LAPTM4A: variants seen among roughly 807,000 people sequenced by gnomAD.
LAPTM4A encodes the protein lysosomal-associated transmembrane protein 4A.
A neutral mutation model predicts 29.9 loss-of-function variants in LAPTM4A; 19 were observed. The observed-to-expected ratio is 0.64, with a 90% confidence interval of 0.44 to 0.93. The LOEUF (loss-of-function observed/expected upper bound fraction) is 0.93. Among genes scored for constraint, LAPTM4A ranks in the 40% least tolerant of loss-of-function variants. The probability of loss-of-function intolerance (pLI) is 0.00; values close to 1 mark genes in which losing one functional copy is unlikely to be tolerated. For missense variants in LAPTM4A, 293 were observed against 288.5 expected, an observed-to-expected ratio of 1.02 and a Z score of -0.11; for synonymous variants, 105 against 102.1, an observed-to-expected ratio of 1.03 and a Z score of -0.17.
rs763586941 is a variant in LAPTM4A at position 20,051,540 on chromosome 2, T to C, written c.-20A>G. On this transcript the variant is annotated 5_prime_UTR_variant, in exon 1 of 7. Transcript: ENST00000175091. The stretch of plus-strand genomic sequence containing the variant: ...CACCATCGTAACAGGCGGGCCTCCT[T>C]CTTGGCCGGGCCCCTGACAAACGTT... The C allele has an allele frequency of 1.3e-6, 2 of 1,500,374 alleles. No homozygotes were observed. Among genetic ancestry groups the C allele is most frequent in the Non-Finnish European group, 1.8e-6 (2 of 1,094,868 alleles). The allele number at this position is 1,500,374 out of a possible 1,614,324, so 92.9% of individuals were successfully genotyped here.
chr2:20,033,670 G>A (rs1485608613), intron 6 of LAPTM4A, among the ~76,000 whole-genome samples: 1 of 152,190 alleles, frequency 6.6e-6, no homozygotes, highest in Non-Finnish European at 1.5e-5. Flanking sequence ...GCTAGCTCCT[G>A]GATCCTGACT....
chr2:20,039,288 T>C (rs1481324288), intron 2 of LAPTM4A, among the ~76,000 whole-genome samples: 1 of 152,244 alleles, frequency 6.6e-6, no homozygotes, highest in Non-Finnish European at 1.5e-5. Flanking sequence ...TAGTCCTCTT[T>C]ACTTTTTTCT....
intron 1 of LAPTM4A, among the ~76,000 whole-genome samples, chr2:20,051,061 C>A (rs1042829535): frequency 1.3e-5 from 2 of 152,144 alleles, no homozygotes; most frequent in Non-Finnish European, 2.9e-5. Context: ...CCTTTCAGAT[C>A]GTAGAAATAC....
rs1673611940 is a variant in LAPTM4A at position 20,033,291 on chromosome 2, A to G, written c.628-12T>C. Reference sequence around the variant, plus strand: ...GTTGGCAAAACGTACTAAAGAGAGAAAAAAAATTGTATCAGATTTAATTCT... The same window carrying G: ...GTTGGCAAAACGTACTAAAGAGAGAGAAAAAATTGTATCAGATTTAATTCT... On this transcript the variant is annotated splice_polypyrimidine_tract_variant and intron_variant, in intron 6 of 6. Transcript: ENST00000175091. The G allele has an allele frequency of 6.2e-7, 1 of 1,603,830 alleles. No homozygotes were observed.
chr2:20,039,540 A>G (rs1673749007), intron 2 of LAPTM4A, among the ~76,000 whole-genome samples: 1 of 149,544 alleles, frequency 6.7e-6, no homozygotes, highest in Non-Finnish European at 1.5e-5. Context: ...GGTCCCTTGA[A>G]GCCGGGAGCT....
intron 1 of LAPTM4A, among the ~76,000 whole-genome samples, chr2:20,046,352 A>G (rs1262694154): frequency 6.8e-6 from 1 of 146,534 alleles, no homozygotes; most frequent in Non-Finnish European, 1.5e-5. Context: ...GTATAATTTA[A>G]AAAAAAAAAG....
intron 2 of LAPTM4A, among the ~76,000 whole-genome samples, chr2:20,039,056 G>A (rs1336764854): frequency 6.6e-6 from 1 of 151,878 alleles, no homozygotes; most frequent in Non-Finnish European, 1.5e-5. Flanking sequence ...AGCTAGGATT[G>A]CAGGCCTGCG....
rs146868944 is a variant in LAPTM4A, at chr2:20,033,707, A to G, written c.628-428T>C. On this transcript the variant is annotated intron_variant, in intron 6 of 6. Coordinates refer to ENST00000175091, the MANE Select transcript of LAPTM4A (RefSeq NM_014713.5). ...TCATCAGAATCAGTTTGTAGTCAGA[A>G]GATCATGAACTTATATCATGTCTTC... Among the ~76,000 whole-genome samples the G allele has an allele frequency of 1.1e-3, 160 of 152,354 alleles. 1 individual carries two copies. Among genetic ancestry groups the G allele is most frequent in the Non-Finnish European group, 1.4e-3 (94 of 68,032 alleles).
chr2:20,048,183 GTATA>G (rs1268644474), intron 1 of LAPTM4A, among the ~76,000 whole-genome samples: 2 of 152,162 alleles, frequency 1.3e-5, no homozygotes, highest in African/African-American at 4.8e-5. Context: ...TAATCACAAA[GTATA>G]TCTACTACAG....
intron 2 of LAPTM4A, among the ~76,000 whole-genome samples, chr2:20,040,087 G>A (rs1417991336): frequency 6.6e-6 from 1 of 152,048 alleles, no homozygotes; most frequent in African/African-American, 2.4e-5. Flanking sequence ...TAAGGGTAGA[G>A]CCCTCATGGC....
At chr2:20,047,459 G>A (rs1401200410) in intron 1 of LAPTM4A, among the ~76,000 whole-genome samples, 1 of 149,812 alleles carries the variant, frequency 6.7e-6, no homozygotes, top group Non-Finnish European at 1.5e-5. Flanking sequence ...GGGAGGCCGA[G>A]GCGGGTGGAT....
chr2:20,040,747 G>A (rs1457967513), intron 2 of LAPTM4A, 144 bp downstream of exon 2: 1 of 764,464 alleles, frequency 1.3e-6, no homozygotes, highest in Non-Finnish European at 2.1e-6. Flanking sequence ...CGCTATCTAG[G>A]TTTGTGTAAG....
At chr2:20,035,797 T>C (rs977515170) in intron 4 of LAPTM4A, among the ~76,000 whole-genome samples, 3 of 152,174 alleles carry the variant, frequency 2.0e-5, no homozygotes, top group Admixed American at 2.0e-4. Flanking sequence ...CTAAAAGGAA[T>C]AATAAATTTT....
chr2:20,051,619 A>G lies in LAPTM4A; in HGVS notation c.-99T>C, dbSNP rs1434210259. On this transcript the variant is annotated 5_prime_UTR_variant, in exon 1 of 7. Coordinates refer to ENST00000175091, the MANE Select transcript of LAPTM4A (RefSeq NM_014713.5). ...GTTTCACGGCCTCCAAAACCCAACG[A>G]CGCGTCTTCAAACCCGCCCCCGGCT... is the stretch of plus-strand genomic sequence containing the variant. 1.9e-5 allele frequency: 14 copies of G among 754,196 alleles called. No individual in the cohort carries two copies. Among genetic ancestry groups the G allele is most frequent in the Middle Eastern group, 2.4e-4 (1 of 4,220 alleles). 46.7% of individuals were successfully genotyped at this position (754,196 alleles called of 1,614,324 possible).
At chr2:20,046,002 G>T (rs973455419) in intron 1 of LAPTM4A, among the ~76,000 whole-genome samples, 3 of 152,106 alleles carry the variant, frequency 2.0e-5, no homozygotes, top group African/African-American at 7.2e-5. Flanking sequence ...TCTTTAAAAC[G>T]TTTTTTAGCC....
intron 4 of LAPTM4A, 66 bp downstream of exon 4, chr2:20,037,250 G>T: frequency 7.4e-7 from 1 of 1,357,332 alleles, no homozygotes; most frequent in Admixed American, 2.3e-5. Flanking sequence ...GGCTGATTCA[G>T]AATTTAAATG....
chr2:20,043,946 C>T (rs560678485), intron 1 of LAPTM4A, among the ~76,000 whole-genome samples: 1 of 152,354 alleles, frequency 6.6e-6, no homozygotes, highest in East Asian at 1.9e-4. Flanking sequence ...TATTAATAAA[C>T]ATTCCCCAGT....
intron 1 of LAPTM4A, among the ~76,000 whole-genome samples, chr2:20,047,828 C>G (rs924505919): frequency 6.6e-6 from 1 of 152,136 alleles, no homozygotes; most frequent in Non-Finnish European, 1.5e-5. Flanking sequence ...TACTACTTCA[C>G]TACTTTTGTA....
At chr2:20,047,198 G>A (rs1326563742) in intron 1 of LAPTM4A, among the ~76,000 whole-genome samples, 1 of 151,132 alleles carries the variant, frequency 6.6e-6, no homozygotes, top group Non-Finnish European at 1.5e-5. Flanking sequence ...GACAATCCCG[G>A]CCAACACGGT....
Sources: gnomAD v4.1 joint callset for allele counts (sites outside exome capture counted in the v4.1 genomes callset) on GRCh38, gnomAD v4.1.1 for gene constraint, MANE v1.5 for transcripts, NCBI Gene and HGNC (gene_info 2026-07-23, HGNC 2026-07-21) for gene names.